PHF21B: variants seen among roughly 807,000 people sequenced by gnomAD.
The protein encoded by PHF21B is PHD finger protein 21B, also known as PHD finger protein 4.
A neutral mutation model predicts 62.2 loss-of-function variants in PHF21B; 22 were observed. The ratio of observed to expected loss-of-function variants is 0.35; its 90% CI spans 0.25 to 0.51. The LOEUF is 0.51. PHF21B is among the 20% of genes least tolerant of loss of function. The probability of loss-of-function intolerance (pLI) is 0.97; values close to 1 mark genes in which losing one functional copy is unlikely to be tolerated. For synonymous variants in PHF21B, 341 were observed against 314.7 expected, an observed-to-expected ratio of 1.08 and a Z score of -0.88; for missense variants, 701 against 707.9, an observed-to-expected ratio of 0.99 and a Z score of 0.11.
intron 5 of PHF21B, among the ~76,000 whole-genome samples, chr22:44,907,448 A>G (rs9614587): frequency 0.095 from 14,432 of 152,246 alleles, 891 homozygotes; most frequent in African/African-American, 0.17. Flanking sequence ...AGCCGTGTTC[A>G]GCGTCCCGCA....
chr22:44,966,786 C>G lies in PHF21B; in HGVS notation c.120+41759G>C, dbSNP rs1027438331. Among the ~76,000 whole-genome samples, 6 of 152,146 alleles carry G rather than the reference C, an allele frequency of 3.9e-5. No homozygotes were observed. The South Asian group carries it at 6.2e-4, about 16-fold the overall frequency. On this transcript the variant is annotated intron_variant, in intron 2 of 12. Coordinates refer to ENST00000313237, the MANE Select transcript of PHF21B (RefSeq NM_138415.5). ...GGCTTTGAAATCTGAGGAGTGAGGTCCAGTCCAAGATGGAAAAGGTAGCAT... is the reference window on the plus strand; with the variant it reads ...GGCTTTGAAATCTGAGGAGTGAGGTGCAGTCCAAGATGGAAAAGGTAGCAT...
chr22:44,981,668 T>G (rs1445148019), intron 2 of PHF21B, among the ~76,000 whole-genome samples: 3 of 152,192 alleles, frequency 2.0e-5, no homozygotes, highest in Non-Finnish European at 4.4e-5. Flanking sequence ...GCCCTTCACC[T>G]GTGCTCTCTC....
chr22:44,943,715 G>A (rs759645282), intron 2 of PHF21B, among the ~76,000 whole-genome samples: 3 of 152,110 alleles, frequency 2.0e-5, no homozygotes, highest in Non-Finnish European at 2.9e-5. Context: ...ACATGACAGC[G>A]ACTCCTGGGC....
intron 2 of PHF21B, among the ~76,000 whole-genome samples, chr22:44,988,740 G>A (rs1386605449): frequency 6.6e-6 from 1 of 152,232 alleles, no homozygotes; most frequent in East Asian, 1.9e-4. Flanking sequence ...AAAAAGCATT[G>A]TGGAAGTTTA....
intron 2 of PHF21B, among the ~76,000 whole-genome samples, chr22:44,963,597 A>C (rs1419814000): frequency 6.6e-6 from 1 of 152,228 alleles, no homozygotes; most frequent in Non-Finnish European, 1.5e-5. Context: ...GATGCTTTGT[A>C]AACAGCAAGG....
At chr22:44,995,894 G>A (rs180898555) in intron 2 of PHF21B, among the ~76,000 whole-genome samples, 22 of 151,582 alleles carry the variant, frequency 1.5e-4, no homozygotes, top group African/African-American at 4.8e-4. Flanking sequence ...CCCAGACGAT[G>A]CAGAGGAAGG....
chr22:44,899,501 G>A (rs1218395833), intron 5 of PHF21B, among the ~76,000 whole-genome samples: 2 of 152,034 alleles, frequency 1.3e-5, no homozygotes, highest in East Asian at 3.9e-4. Context: ...ATGTTGGCCA[G>A]GCTGGTCTCG....
At position 44,885,394 on chromosome 22, in the gene PHF21B, G is replaced by A. The variant is rs557051245; in HGVS notation, c.1377+32C>T. 2.1e-5 allele frequency: 33 copies of A among 1,540,114 alleles called. No individual in the cohort carries two copies. In the Admixed American group the frequency reaches 2.3e-4, roughly 11 times the overall value. On this transcript the variant is annotated intron_variant, in intron 12 of 12. Coordinates refer to ENST00000313237, the MANE Select transcript of PHF21B (RefSeq NM_138415.5). The stretch of plus-strand genomic sequence containing the variant: ...AGACCCGGGGCACACCTGCAGGGCT[G>A]AGGCCAGCCTCCCCCAGGCCCCGGG...
chr22:44,926,194 C>T (rs1296984565), intron 2 of PHF21B, among the ~76,000 whole-genome samples: 2 of 140,364 alleles, frequency 1.4e-5, no homozygotes, highest in Non-Finnish European at 1.6e-5. Flanking sequence ...CCCAGGGAAG[C>T]ACATTCAGTG....
intron 2 of PHF21B, among the ~76,000 whole-genome samples, chr22:44,961,322 A>G (rs979069100): frequency 6.6e-6 from 1 of 151,956 alleles, no homozygotes; most frequent in African/African-American, 2.4e-5. Context: ...ACATAGGTAT[A>G]CTTCGTGATG....
chr22:45,009,021 C>T lies in PHF21B; in HGVS notation c.55-411G>A, dbSNP rs2073378002. On this transcript the variant is annotated intron_variant, in intron 1 of 12. Coordinates refer to ENST00000313237, the MANE Select transcript of PHF21B (RefSeq NM_138415.5). This position sits in a 1 kb window ranked among gnomAD's most constrained non-coding sequence, Gnocchi z 5.9. The stretch of plus-strand genomic sequence containing the variant: ...TCAAGTCGCGTCCTAATCTCCCCAA[C>T]ACACACACGCGCACGCCGAGCCCCG... The T allele has an allele frequency of 2.7e-6, 3 of 1,124,676 alleles. No homozygotes were observed. The East Asian group carries it at 1.4e-4, about 53-fold the overall frequency. The allele number at this position is 1,124,676 out of a possible 1,614,324, so 69.7% of individuals were successfully genotyped here.
At chr22:44,946,234 G>C (rs2072067632) in intron 2 of PHF21B, among the ~76,000 whole-genome samples, 1 of 146,848 alleles carries the variant, frequency 6.8e-6, no homozygotes, top group Admixed American at 6.6e-5. Context: ...GCTCGGGGTG[G>C]GGAGGGATGC....
chr22:44,899,241 A>G (rs2071112600), intron 5 of PHF21B, among the ~76,000 whole-genome samples: 1 of 151,204 alleles, frequency 6.6e-6, no homozygotes, highest in African/African-American at 2.4e-5. Context: ...TTATATTATT[A>G]AGTTTTCCTA....
intron 5 of PHF21B, among the ~76,000 whole-genome samples, chr22:44,906,916 C>G (rs1167783049): frequency 6.6e-6 from 1 of 152,006 alleles, no homozygotes; most frequent in Non-Finnish European, 1.5e-5. Flanking sequence ...AGGGGAAGCA[C>G]AGTCAGCCGT....
chr22:44,931,787 A>C (rs140039648), intron 2 of PHF21B, among the ~76,000 whole-genome samples: 1,899 of 152,234 alleles, frequency 0.012, 28 homozygotes, highest in Non-Finnish European at 0.017. Flanking sequence ...AGACCAGCTA[A>C]AACGGCCACT....
intron 2 of PHF21B, among the ~76,000 whole-genome samples, chr22:44,960,388 G>T (rs1448137388): frequency 6.6e-6 from 1 of 152,102 alleles, no homozygotes; most frequent in Non-Finnish European, 1.5e-5. Context: ...GCAGCACCAG[G>T]CAAAGCCCCC....
chr22:44,962,556 T>A (rs990074671), intron 2 of PHF21B, among the ~76,000 whole-genome samples: 9 of 152,104 alleles, frequency 5.9e-5, no homozygotes, highest in African/African-American at 2.2e-4. Flanking sequence ...CTACTGAACG[T>A]GTATTGCTTT....
chr22:44,999,207 C>T (rs1387086787), intron 2 of PHF21B, among the ~76,000 whole-genome samples: 1 of 152,210 alleles, frequency 6.6e-6, no homozygotes, highest in Non-Finnish European at 1.5e-5. Context: ...AAAAACAACA[C>T]AGAGCAATCT....
rs188524158 is a variant in PHF21B, at chr22:44,915,181, A to G, written c.565-1093T>C. Among the ~76,000 whole-genome samples the G allele has an allele frequency of 3.8e-4, 58 of 152,328 alleles. 1 individual carries two copies. Among genetic ancestry groups the G allele is most frequent in the Admixed American group, 3.3e-3 (50 of 15,310 alleles). On this transcript the variant is annotated intron_variant, in intron 4 of 12. Transcript: ENST00000313237. ...CCCAAAATCTCTGTATGGAAGAAATATGTCCATTTTTATATCCATGGGAAG... is the reference window on the plus strand; with the variant it reads ...CCCAAAATCTCTGTATGGAAGAAATGTGTCCATTTTTATATCCATGGGAAG...
Sources: gnomAD v4.1 joint callset for allele counts (sites outside exome capture counted in the v4.1 genomes callset) on GRCh38, gnomAD v4.1.1 for gene constraint, Gnocchi (gnomAD v3.1) non-coding constraint, MANE v1.5 for transcripts, NCBI Gene and HGNC (gene_info 2026-07-23, HGNC 2026-07-21) for gene names.